The following HSPA4 variants were observed in gnomAD, a reference collection of about 807,000 sequenced individuals.
HSPA4 encodes heat shock protein family A (Hsp70) member 4, also known as heat shock 70 kDa protein 4.
In HSPA4, 25 loss-of-function variants were observed where a neutral mutation model predicts 106.2. That is an observed-to-expected ratio of 0.24 (90% CI 0.17 to 0.33). The LOEUF (loss-of-function observed/expected upper bound fraction) is 0.33, where lower values mean the gene tolerates loss of function less well. HSPA4 is among the 10% of genes least tolerant of loss of function. The pLI is 1.00. For synonymous variants in HSPA4, 332 were observed against 333.6 expected, an observed-to-expected ratio of 1.00 and a Z score of 0.05; for missense variants, 841 against 996.0, an observed-to-expected ratio of 0.84 and a Z score of 2.10.
At chr5:133,071,335 C>G (rs997567549) in intron 4 of HSPA4, among the ~76,000 whole-genome samples, 2 of 150,858 alleles carry the variant, frequency 1.3e-5, no homozygotes, top group African/African-American at 4.9e-5. Flanking sequence ...GTGGCACACA[C>G]CTGTAGTCCC....
chr5:133,094,831 T>C (rs959899765), intron 13 of HSPA4, among the ~76,000 whole-genome samples: 1 of 152,196 alleles, frequency 6.6e-6, no homozygotes, highest in African/African-American at 2.4e-5. Flanking sequence ...AAGGTTTTGC[T>C]TTATCATAGA....
intron 1 of HSPA4, among the ~76,000 whole-genome samples, chr5:133,063,501 G>T (rs1197710892): frequency 6.6e-6 from 1 of 151,990 alleles, no homozygotes; most frequent in African/African-American, 2.4e-5. Context: ...TGCGATCTTG[G>T]CTCACTGCAA....
chr5:133,098,351 G>A (rs541534199), intron 15 of HSPA4, among the ~76,000 whole-genome samples: 3 of 151,924 alleles, frequency 2.0e-5, no homozygotes, highest in African/African-American at 7.2e-5. Context: ...TCGCTCTGTC[G>A]CCCAGGCTGG....
At chr5:133,062,739 G>A (rs896711290) in intron 1 of HSPA4, among the ~76,000 whole-genome samples, 5 of 152,102 alleles carry the variant, frequency 3.3e-5, no homozygotes, top group Non-Finnish European at 5.9e-5. Context: ...GAGGTCCTAG[G>A]GTGTACCATG....
intron 1 of HSPA4, among the ~76,000 whole-genome samples, chr5:133,059,758 CAG>C (rs1011519624): frequency 4.8e-4 from 73 of 152,252 alleles, no homozygotes; most frequent in African/African-American, 1.4e-3. Context: ...TCCCATTTCT[CAG>C]AGAATATAGG....
intron 7 of HSPA4, among the ~76,000 whole-genome samples, chr5:133,078,244 A>G (rs976344372): frequency 7.9e-5 from 12 of 151,964 alleles, no homozygotes; most frequent in African/African-American, 2.9e-4. Flanking sequence ...AGGCAGGGGA[A>G]TGGTGTGAAC....
At chr5:133,083,018 C>T (rs918544609) in intron 7 of HSPA4, among the ~76,000 whole-genome samples, 1 of 151,562 alleles carries the variant, frequency 6.6e-6, no homozygotes, top group Non-Finnish European at 1.5e-5. Flanking sequence ...GCCTGTAATC[C>T]CAACTACTCG....
At chr5:133,104,049 TAG>T in intron 18 of HSPA4, 23 bp downstream of exon 18, 1 of 1,583,756 alleles carries the variant, frequency 6.3e-7, no homozygotes, top group Non-Finnish European at 8.6e-7. Context: ...TTTTTTTTAA[TAG>T]TCTTTTCTTG....
At chr5:133,085,412 G>A (rs1006375351) in intron 7 of HSPA4, among the ~76,000 whole-genome samples, 22 of 150,948 alleles carry the variant, frequency 1.5e-4, no homozygotes, top group Non-Finnish European at 2.9e-4. Context: ...CAGCACTTTG[G>A]AAGGTGAGGC....
chr5:133,090,388 G>A (rs1005945279), intron 11 of HSPA4, among the ~76,000 whole-genome samples: 4 of 123,466 alleles, frequency 3.2e-5, no homozygotes, highest in Non-Finnish European at 4.7e-5. Context: ...CTGAGATCAC[G>A]CCACTGCACT....
chr5:133,076,080 A>C (rs568993213), intron 6 of HSPA4: 1 of 152,604 alleles, frequency 6.6e-6, no homozygotes, highest in Non-Finnish European at 1.5e-5. Flanking sequence ...AACTTCTATT[A>C]CTGAATCTAA....
intron 7 of HSPA4, among the ~76,000 whole-genome samples, chr5:133,080,666 TTACA>T (rs1046880944): frequency 3.9e-5 from 6 of 151,928 alleles, no homozygotes; most frequent in African/African-American, 1.4e-4. Flanking sequence ...CTTGCCTATC[TTACA>T]TATATATATA....
At position 133,052,665 on chromosome 5, in the gene HSPA4, T is replaced by C. The variant is rs977453885; in HGVS notation, c.107+308T>C. Reference sequence around the variant, plus strand: ...CTGGAAGGACTGCAGGCCTAGGATGTAAACGGATCGCGGTCCTTTTCTTGA... The same window carrying C: ...CTGGAAGGACTGCAGGCCTAGGATGCAAACGGATCGCGGTCCTTTTCTTGA... On this transcript the variant is annotated intron_variant, in intron 1 of 18. Transcript: ENST00000304858. The C allele has an allele frequency of 2.4e-5, 8 of 334,524 alleles. No homozygotes were observed. In the East Asian group the frequency reaches 4.1e-4, roughly 17 times the overall value. 20.7% of individuals were successfully genotyped at this position (334,524 alleles called of 1,614,324 possible).
Position 133,069,254 on chromosome 5 carries a change from A to AT in HSPA4, c.307-1105dup, listed in dbSNP as rs1213270421. 2.7e-3 allele frequency among the ~76,000 whole-genome samples: 397 copies of AT among 146,160 alleles called. 3 individuals are homozygous for AT. The East Asian group carries it at 0.037, about 14-fold the overall frequency. On this transcript the variant is annotated intron_variant, in intron 3 of 18. Transcript: ENST00000304858. ...TGTTCATTATTGTTACTTATTTAAA[A>AT]TTTTTTTTTTTTTTTGAGACAATAT...
At chr5:133,088,370 C>T in intron 8 of HSPA4, 34 bp from the exon 9 acceptor site, 1 of 1,446,530 alleles carries the variant, frequency 6.9e-7, no homozygotes. Context: ...TCTTTCATTT[C>T]ATTAAAAAAA....
In HSPA4 at chr5:133,073,237, G is replaced by C. The variant is rs150908671; in HGVS notation, c.437G>C (p.Cys146Ser). 1.9e-6 allele frequency: 3 copies of C among 1,562,192 alleles called. No individual in the cohort carries two copies. The African/African-American group carries it at 4.2e-5, about 22-fold the overall frequency. The change falls in exon 5 of 19, where the codon TGT becomes TCT. Residue 146 changes from cysteine (C) to serine (S), a missense_variant. Transcript: ENST00000304858. ...TCTTTTTTTTTTTTGTAGGTTCCTT[G>C]TTTCTATACTGATGCAGAAAGACGA... Reference protein sequence around the residue: ...PVVDCVVSVPCFYTDAERRSV... With the variant: ...PVVDCVVSVPSFYTDAERRSV...
At chr5:133,059,487 C>T (rs1171575109) in intron 1 of HSPA4, among the ~76,000 whole-genome samples, 2 of 151,182 alleles carry the variant, frequency 1.3e-5, no homozygotes. Flanking sequence ...GTGGTACACA[C>T]CTATAGTCCC....
chr5:133,063,721 C>T (rs1467097749), intron 1 of HSPA4, among the ~76,000 whole-genome samples: 3 of 151,876 alleles, frequency 2.0e-5, no homozygotes, highest in Non-Finnish European at 2.9e-5. Flanking sequence ...GCATGAGCCA[C>T]CACGCTCGGC....
intron 15 of HSPA4, among the ~76,000 whole-genome samples, chr5:133,099,139 A>T (rs1765752657): frequency 6.6e-6 from 1 of 150,974 alleles, no homozygotes; most frequent in Non-Finnish European, 1.5e-5. Flanking sequence ...ATCTTATCTT[A>T]TTTTTTTTGA....
Sources: gnomAD v4.1 joint callset for allele counts (sites outside exome capture counted in the v4.1 genomes callset) on GRCh38, gnomAD v4.1.1 for gene constraint, MANE v1.5 for transcripts, NCBI Gene and HGNC (gene_info 2026-07-23, HGNC 2026-07-21) for gene names.